Variants in FHIT observed in about 807,000 individuals in gnomAD.
The protein encoded by FHIT is bis(5'-adenosyl)-triphosphatase.
Under a neutral mutation model 17.9 loss-of-function variants are expected in FHIT, and 19 were observed. The observed-to-expected ratio is 1.06, with a 90% CI of 0.74 to 1.56. The LOEUF is 1.56. FHIT is among the 40% of genes most tolerant of loss of function. The pLI, the probability that FHIT is intolerant of heterozygous loss-of-function variation, is 0.00. For synonymous variants in FHIT, 81 were observed against 69.7 expected, an observed-to-expected ratio of 1.16 and a Z score of -0.81; for missense variants, 248 against 189.2, an observed-to-expected ratio of 1.31 and a Z score of -1.82.
intron 7 of FHIT, among the ~76,000 whole-genome samples, chr3:59,957,931 T>C (rs1049880112): frequency 3.9e-5 from 6 of 152,224 alleles, no homozygotes; most frequent in Non-Finnish European, 8.8e-5. Context: ...GATTAATACT[T>C]CCAAAATAAC....
chr3:61,021,316 C>T (rs1439122910), intron 3 of FHIT, among the ~76,000 whole-genome samples: 1 of 152,124 alleles, frequency 6.6e-6, no homozygotes, highest in East Asian at 1.9e-4. Context: ...GAACAGAAAT[C>T]AGGCCGGGCG....
chr3:61,123,689 G>C (rs7624552), intron 2 of FHIT, among the ~76,000 whole-genome samples: 113,950 of 151,980 alleles, frequency 0.75, 43,648 homozygotes, highest in African/African-American at 0.8. Context: ...TGCTTGCTCT[G>C]TTAATGGCAA....
chr3:60,224,913 G>T (rs1269658399), intron 5 of FHIT, among the ~76,000 whole-genome samples: 5 of 151,796 alleles, frequency 3.3e-5, no homozygotes, highest in Admixed American at 2.6e-4. Context: ...TAGAGACGGG[G>T]TTTCACCATT....
chr3:60,066,896 G>A lies in FHIT; in HGVS notation c.104-52744C>T, dbSNP rs192763555. Among the ~76,000 whole-genome samples, 6 of 151,928 alleles carry A rather than the reference G, an allele frequency of 3.9e-5. No individual in the cohort carries two copies. In the East Asian group the frequency reaches 7.8e-4, roughly 20 times the overall value. ...CCTGACCTTGTGATCCGCCCACCTC[G>A]GCCTCCCAAAGTGCTGGGATTACAG... On this transcript the variant is annotated intron_variant, in intron 5 of 9. Transcript: ENST00000492590.
At chr3:60,099,198 C>A (rs7642268) in intron 5 of FHIT, among the ~76,000 whole-genome samples, 97,659 of 151,952 alleles carry the variant, frequency 0.64, 32,363 homozygotes, top group East Asian at 0.98. Context: ...AGTCTTCCTA[C>A]CTCAAAGGCT....
chr3:60,133,461 G>A (rs1699683006), intron 5 of FHIT, among the ~76,000 whole-genome samples: 1 of 152,180 alleles, frequency 6.6e-6, no homozygotes, highest in South Asian at 2.1e-4. Context: ...CTACTCTAGA[G>A]GGAGAGATCT....
At chr3:60,779,966 G>T (rs557926834) in intron 4 of FHIT, among the ~76,000 whole-genome samples, 60 of 152,272 alleles carry the variant, frequency 3.9e-4, no homozygotes, top group African/African-American at 1.4e-3. Flanking sequence ...CCCACCCCTA[G>T]GCCCCCCTGC....
At chr3:59,948,019 T>TG (rs1366683000) in intron 7 of FHIT, among the ~76,000 whole-genome samples, 1 of 152,198 alleles carries the variant, frequency 6.6e-6, no homozygotes, top group Non-Finnish European at 1.5e-5. Flanking sequence ...ATGGTATAGA[T>TG]GTACCACTGT....
chr3:60,373,308 T>C (rs1220230512), intron 5 of FHIT, among the ~76,000 whole-genome samples: 2 of 152,104 alleles, frequency 1.3e-5, no homozygotes, highest in African/African-American at 4.8e-5. Context: ...GAAAGTGACG[T>C]TGAAGCTAAG....
intron 4 of FHIT, among the ~76,000 whole-genome samples, chr3:60,792,829 A>G (rs1331215570): frequency 8.1e-6 from 1 of 124,048 alleles, no homozygotes; most frequent in Non-Finnish European, 1.6e-5. Flanking sequence ...CGAGAAAACA[A>G]TTTCTTTTTT....
chr3:60,585,793 C>T (rs889223325), intron 4 of FHIT, among the ~76,000 whole-genome samples: 1 of 151,912 alleles, frequency 6.6e-6, no homozygotes, highest in African/African-American at 2.4e-5. Flanking sequence ...ATATATTTCC[C>T]AAAGTGGGTT....
At chr3:59,773,151 C>T (rs898364876) in intron 8 of FHIT, among the ~76,000 whole-genome samples, 5 of 152,142 alleles carry the variant, frequency 3.3e-5, no homozygotes, top group African/African-American at 9.7e-5. Flanking sequence ...CTGTAAGGCC[C>T]CTGTCTTCAT....
intron 8 of FHIT, among the ~76,000 whole-genome samples, chr3:59,827,907 C>A (rs940721241): frequency 6.6e-6 from 1 of 152,180 alleles, no homozygotes; most frequent in Non-Finnish European, 1.5e-5. Flanking sequence ...TGGAATCCAT[C>A]GTTCTCTGCA....
intron 3 of FHIT, among the ~76,000 whole-genome samples, chr3:61,024,768 T>C (rs1047417822): frequency 2.0e-5 from 3 of 152,184 alleles, no homozygotes; most frequent in Non-Finnish European, 2.9e-5. Flanking sequence ...AATATGATCA[T>C]AGCTATTAAC....
intron 4 of FHIT, among the ~76,000 whole-genome samples, chr3:60,595,790 T>C (rs2038250218): frequency 1.3e-5 from 2 of 151,562 alleles, no homozygotes. Context: ...ACTACAGGCA[T>C]GCACCGCCAT....
At chr3:60,490,671 CAAA>C (rs377411602) in intron 5 of FHIT, among the ~76,000 whole-genome samples, 6 of 125,102 alleles carry the variant, frequency 4.8e-5, no homozygotes, top group Admixed American at 7.9e-5. Flanking sequence ...TGATTTGTAC[CAAA>C]AAAAAAAAAA....
At chr3:61,215,933 G>A (rs543532780) in intron 1 of FHIT, among the ~76,000 whole-genome samples, 1 of 152,202 alleles carries the variant, frequency 6.6e-6, no homozygotes, top group African/African-American at 2.4e-5. Flanking sequence ...GGGAAAACTA[G>A]CTAGCCATAT....
intron 5 of FHIT, among the ~76,000 whole-genome samples, chr3:60,511,287 C>A (rs991042493): frequency 2.0e-5 from 3 of 152,088 alleles, no homozygotes; most frequent in Admixed American, 2.0e-4. Context: ...CCTATAATTA[C>A]CACCATTATG....
chr3:60,468,983 T>A (rs2032942952), intron 5 of FHIT, among the ~76,000 whole-genome samples: 1 of 152,160 alleles, frequency 6.6e-6, no homozygotes, highest in African/African-American at 2.4e-5. Flanking sequence ...GTACTTTAAA[T>A]ATGTAATATC....
Sources: allele counts gnomAD v4.1 joint callset (sites outside exome capture counted in the v4.1 genomes callset), GRCh38; gene constraint gnomAD v4.1.1; transcripts MANE v1.5; gene names NCBI Gene and HGNC (gene_info 2026-07-23, HGNC 2026-07-21).